The following ADAM12 variants were observed in gnomAD, a reference collection of about 807,000 sequenced individuals.
The protein encoded by ADAM12 is disintegrin and metalloproteinase domain-containing protein 12.
A neutral mutation model predicts 106.4 loss-of-function variants in ADAM12; 70 were observed. The observed-to-expected ratio is 0.66, with a 90% CI of 0.54 to 0.80. The LOEUF (loss-of-function observed/expected upper bound fraction) is 0.80. ADAM12 is among the 30% of genes least tolerant of loss of function. The probability of loss-of-function intolerance (pLI) is 0.00; values close to 1 mark genes in which losing one functional copy is unlikely to be tolerated. For missense variants in ADAM12, 1,010 were observed against 1,171.9 expected (o/e 0.86, Z 2.02); for synonymous variants, 420 against 433.5 (o/e 0.97, Z 0.39).
chr10:126,164,184 T>C (rs1383670164), intron 3 of ADAM12, among the ~76,000 whole-genome samples: 2 of 152,374 alleles, frequency 1.3e-5, no homozygotes, highest in Middle Eastern at 3.4e-3. Flanking sequence ...GTCAACTTTT[T>C]CCTATTATTT....
intron 1 of ADAM12, among the ~76,000 whole-genome samples, chr10:126,352,967 C>T (rs950179540): frequency 2.0e-5 from 3 of 152,190 alleles, no homozygotes; most frequent in Non-Finnish European, 4.4e-5. Context: ...CTCTGACCAC[C>T]AGCTAAAGTC....
intron 20 of ADAM12, 104 bp downstream of exon 20, chr10:126,038,137 A>G (rs1427302258): frequency 2.7e-6 from 3 of 1,097,210 alleles, no homozygotes; most frequent in Non-Finnish European, 4.0e-6. Context: ...CTGACTCAGC[A>G]TTTCACAGGC....
chr10:126,037,488 C>G (rs1386324270), intron 20 of ADAM12, among the ~76,000 whole-genome samples: 1 of 152,142 alleles, frequency 6.6e-6, no homozygotes, highest in Non-Finnish European at 1.5e-5. Context: ...AGTTTATTGC[C>G]TACTGCATAT....
At chr10:126,052,052 C>A (rs1296727713) in intron 14 of ADAM12, among the ~76,000 whole-genome samples, 3 of 152,192 alleles carry the variant, frequency 2.0e-5, no homozygotes, top group African/African-American at 7.2e-5. Context: ...AAATATATTT[C>A]TCAGATTCAC....
At chr10:126,018,811 TTGTCCCTGTTTTCCCAG>T (rs1159607392) in intron 22 of ADAM12, among the ~76,000 whole-genome samples, 1 of 152,186 alleles carries the variant, frequency 6.6e-6, no homozygotes, top group Non-Finnish European at 1.5e-5. Context: ...CTTTTGCCCA[TTGTCCCTGTTTTCCCAG>T]TGTCCTGCTG....
chr10:126,166,867 T>C (rs959846226), intron 3 of ADAM12, among the ~76,000 whole-genome samples: 1 of 152,106 alleles, frequency 6.6e-6, no homozygotes, highest in Non-Finnish European at 1.5e-5. Context: ...AACAAAAAAA[T>C]AGGGCCTCAG....
At chr10:126,055,761 TCAA>T (rs199888059) in intron 14 of ADAM12, among the ~76,000 whole-genome samples, 4 of 152,200 alleles carry the variant, frequency 2.6e-5, no homozygotes, top group Admixed American at 6.5e-5. Flanking sequence ...GCTCATGGAG[TCAA>T]CAACTTCTTC....
chr10:126,150,329 C>T (rs996786089), intron 4 of ADAM12, among the ~76,000 whole-genome samples: 9 of 152,178 alleles, frequency 5.9e-5, no homozygotes, highest in Admixed American at 3.3e-4. Context: ...TTATTTATGA[C>T]GTTGATCCAC....
At chr10:126,085,531 T>A (rs1955321055) in intron 11 of ADAM12, among the ~76,000 whole-genome samples, 1 of 144,688 alleles carries the variant, frequency 6.9e-6, no homozygotes, top group Admixed American at 6.7e-5. Flanking sequence ...CCATTATCTG[T>A]CCATTTCTAT....
chr10:126,184,523 A>G (rs754560997), intron 3 of ADAM12, among the ~76,000 whole-genome samples: 52 of 152,172 alleles, frequency 3.4e-4, no homozygotes, highest in Admixed American at 5.2e-4. Context: ...TCCAATTCTT[A>G]TGATGAAGTG....
rs1438781206 is a variant in ADAM12, at chr10:126,043,622, C to T, written c.1996-474G>A. 1.3e-5 allele frequency among the ~76,000 whole-genome samples: 2 copies of T among 152,194 alleles called. No homozygotes were observed. Among genetic ancestry groups the T allele is most frequent in the Non-Finnish European group, 2.9e-5 (2 of 68,032 alleles). On this transcript the variant is annotated intron_variant, in intron 17 of 22. Coordinates refer to ENST00000448723, the MANE Select transcript of ADAM12 (RefSeq NM_001288973.2). The surrounding 1 kb of genome is among the most constrained non-coding windows in gnomAD (Gnocchi z 4.1). The stretch of plus-strand genomic sequence containing the variant: ...AAGGCTCAGAGAGGCTGGTGACTGC[C>T]GGGTCCCACGCCAGGCTGGGGTCCG...
rs76346479 is a variant in ADAM12, at chr10:126,335,376, C to T, written c.89-4867G>A. ...GTGCAAAAAGTAGAATTAAGATAAACATCCTTTTGAAAAATCTAAGTGAAA... is the reference window on the plus strand; with the variant it reads ...GTGCAAAAAGTAGAATTAAGATAAATATCCTTTTGAAAAATCTAAGTGAAA... On this transcript the variant is annotated intron_variant, in intron 1 of 22. Coordinates refer to ENST00000448723, the MANE Select transcript of ADAM12 (RefSeq NM_001288973.2). Among the ~76,000 whole-genome samples the T allele has an allele frequency of 8.2e-3, 1,256 of 152,300 alleles. 23 individuals carry two copies. The highest frequency in any genetic ancestry group is 0.029 in the African/African-American group (1,197 of 41,576).
intron 3 of ADAM12, among the ~76,000 whole-genome samples, chr10:126,252,159 G>A (rs552635885): frequency 1.1e-4 from 17 of 151,710 alleles, no homozygotes; most frequent in African/African-American, 3.9e-4. Context: ...GGATGGATGG[G>A]ATGGATGGAT....
At chr10:126,368,489 T>G (rs530352541) in intron 1 of ADAM12, among the ~76,000 whole-genome samples, 1 of 152,146 alleles carries the variant, frequency 6.6e-6, no homozygotes, top group Non-Finnish European at 1.5e-5. Flanking sequence ...TAATAACCTT[T>G]CATGTTAAGT....
chr10:126,339,813 T>C (rs1854852924), intron 1 of ADAM12, among the ~76,000 whole-genome samples: 1 of 150,798 alleles, frequency 6.6e-6, no homozygotes, highest in African/African-American at 2.4e-5. Context: ...GGAAATTAAA[T>C]TTTATTTGAG....
chr10:126,324,562 T>C (rs930297423), intron 2 of ADAM12, among the ~76,000 whole-genome samples: 2 of 152,134 alleles, frequency 1.3e-5, no homozygotes, highest in Non-Finnish European at 2.9e-5. Context: ...TTAGACAGAG[T>C]ACCCTACCTC....
intron 21 of ADAM12, among the ~76,000 whole-genome samples, chr10:126,034,245 C>T (rs1954018872): frequency 6.6e-6 from 1 of 152,044 alleles, no homozygotes; most frequent in Non-Finnish European, 1.5e-5. Context: ...TTTCAGAGGA[C>T]ATTTTGGCAA....
chr10:126,283,331 T>C (rs1162639720), intron 2 of ADAM12, among the ~76,000 whole-genome samples: 1 of 152,214 alleles, frequency 6.6e-6, no homozygotes. Flanking sequence ...TGAGTTTCCC[T>C]GGCTAATCTG....
rs140085890 is a variant in ADAM12, at chr10:126,164,539, G to A, written c.261-9234C>T. 1.6e-3 allele frequency among the ~76,000 whole-genome samples: 237 copies of A among 152,250 alleles called. 1 individual carries two copies. In the East Asian group the frequency reaches 0.029, roughly 19 times the overall value. On this transcript the variant is annotated intron_variant, in intron 3 of 22. Coordinates refer to ENST00000448723, the MANE Select transcript of ADAM12 (RefSeq NM_001288973.2). ...CAGCTACAAATACTTTCATATGTGG[G>A]ACTAAGGGCCAAGAGCTTTAACAAA...
Sources: allele counts gnomAD v4.1 joint callset (sites outside exome capture counted in the v4.1 genomes callset), GRCh38; gene constraint gnomAD v4.1.1; non-coding constraint Gnocchi (gnomAD v3.1); transcripts MANE v1.5; gene names NCBI Gene and HGNC (gene_info 2026-07-23, HGNC 2026-07-21).